Variants in PICALM observed in about 807,000 individuals in gnomAD.
PICALM encodes phosphatidylinositol binding clathrin assembly protein.
In PICALM, 40 loss-of-function variants were observed where a neutral mutation model predicts 80.5. The ratio of observed to expected loss-of-function variants is 0.50; its 90% CI spans 0.39 to 0.65. The LOEUF is 0.65. Among genes scored for constraint, PICALM ranks in the 30% least tolerant of loss-of-function variants. The pLI, the probability that PICALM is intolerant of heterozygous loss-of-function variation, is 0.00. For missense variants in PICALM, 676 were observed against 778.9 expected (o/e 0.87, Z 1.57); for synonymous variants, 288 against 260.3 (o/e 1.11, Z -1.02).
At chr11:86,065,289 T>C (rs1015757152) in intron 1 of PICALM, among the ~76,000 whole-genome samples, 3 of 151,740 alleles carry the variant, frequency 2.0e-5, no homozygotes, top group Admixed American at 6.6e-5. Flanking sequence ...CTACTAAAAA[T>C]ACAAAAATTA....
At chr11:85,998,822 G>A (rs2095057503) in intron 11 of PICALM, among the ~76,000 whole-genome samples, 1 of 152,094 alleles carries the variant, frequency 6.6e-6, no homozygotes, top group African/African-American at 2.4e-5. Flanking sequence ...AACAGACCAA[G>A]AGATGTTGCC....
chr11:86,019,637 C>G (rs1180140622), intron 4 of PICALM, among the ~76,000 whole-genome samples: 1 of 152,130 alleles, frequency 6.6e-6, no homozygotes, highest in Admixed American at 6.5e-5. Flanking sequence ...AAAAGTTCTC[C>G]ACCATAATCT....
At chr11:86,065,916 G>T (rs1469251011) in intron 1 of PICALM, among the ~76,000 whole-genome samples, 2 of 151,824 alleles carry the variant, frequency 1.3e-5, no homozygotes, top group Non-Finnish European at 2.9e-5. Context: ...ACACTCTAAG[G>T]GCTTATACGA....
chr11:86,035,438 C>T (rs181399045), intron 1 of PICALM, among the ~76,000 whole-genome samples: 1 of 152,084 alleles, frequency 6.6e-6, no homozygotes, highest in East Asian at 1.9e-4. Context: ...CACTGATACC[C>T]GAATAAGATT....
At chr11:86,051,072 G>C (rs1386353319) in intron 1 of PICALM, among the ~76,000 whole-genome samples, 1 of 152,142 alleles carries the variant, frequency 6.6e-6, no homozygotes, top group African/African-American at 2.4e-5. Context: ...ATGATAATAA[G>C]ATATGCAAAT....
intron 9 of PICALM, among the ~76,000 whole-genome samples, chr11:86,003,086 A>G (rs1393208998): frequency 2.6e-5 from 4 of 152,200 alleles, no homozygotes; most frequent in Non-Finnish European, 5.9e-5. Flanking sequence ...CTTTAGGAGA[A>G]ATTTTGACAT....
At chr11:85,962,137 T>C (rs965790890) in intron 19 of PICALM, among the ~76,000 whole-genome samples, 2 of 152,162 alleles carry the variant, frequency 1.3e-5, no homozygotes, top group African/African-American at 4.8e-5. Flanking sequence ...ATGCCTGGGC[T>C]TGAGGTTTCA....
chr11:86,059,656 G>C (rs1336375955), intron 1 of PICALM, among the ~76,000 whole-genome samples: 1 of 152,144 alleles, frequency 6.6e-6, no homozygotes, highest in African/African-American at 2.4e-5. Context: ...TACCTACTCA[G>C]GAGGCTGAGG....
At chr11:86,009,347 T>C (rs1184121951) in intron 7 of PICALM, among the ~76,000 whole-genome samples, 1 of 142,572 alleles carries the variant, frequency 7.0e-6, no homozygotes, top group Non-Finnish European at 1.5e-5. Flanking sequence ...GACAGTCTAT[T>C]GCACCTAAGA....
rs1417800063 is a variant in PICALM, at chr11:86,026,369, TG to T, written c.274-3del. 6.3e-6 allele frequency: 10 copies of T among 1,582,092 alleles called. No homozygotes were observed. Among genetic ancestry groups the T allele is most frequent in the Non-Finnish European group, 8.6e-6 (10 of 1,158,148 alleles). ...TGAAGCCAAATACTGAATAAAACGC[TG>T]GAAAAAAAAAATTACATCATATTAA... On this transcript the variant is annotated splice_region_variant and splice_polypyrimidine_tract_variant and intron_variant, in intron 2 of 19. Transcript: ENST00000393346.
In PICALM at chr11:85,977,061, A is replaced by G. The variant is rs2094304973; in HGVS notation, c.1780-379T>C. ...GTCTACCCAGAAAAAGTATTATTGA[A>G]TGTTTTCTTACTTAGGTACCTGATT... On this transcript the variant is annotated intron_variant, in intron 17 of 19. Transcript: ENST00000393346. The G allele has an allele frequency of 1.3e-5, 2 of 153,956 alleles. 1 individual carries two copies. Among genetic ancestry groups the G allele is most frequent in the South Asian group, 4.1e-4 (2 of 4,898 alleles). The allele number at this position is 153,956 out of a possible 1,614,324, so 9.5% of individuals were successfully genotyped here.
intron 5 of PICALM, among the ~76,000 whole-genome samples, chr11:86,013,438 C>T (rs902489206): frequency 2.6e-5 from 4 of 152,072 alleles, no homozygotes; most frequent in Admixed American, 2.0e-4. Context: ...TGAACCACCA[C>T]ATTCTTTTTC....
intron 14 of PICALM, 62 bp from the exon 15 acceptor site, chr11:85,982,065 A>G (rs1016549123): frequency 6.8e-7 from 1 of 1,480,508 alleles, no homozygotes; most frequent in Admixed American, 1.7e-5. Context: ...ATGGTTTTCT[A>G]AAGGAGGTCT....
intron 1 of PICALM, among the ~76,000 whole-genome samples, chr11:86,035,142 A>G (rs1407079753): frequency 6.6e-6 from 1 of 151,898 alleles, no homozygotes; most frequent in African/African-American, 2.4e-5. Flanking sequence ...TTTTTTAACA[A>G]AGTACAAAAA....
intron 1 of PICALM, among the ~76,000 whole-genome samples, chr11:86,038,374 A>T (rs1052598490): frequency 1.3e-5 from 2 of 152,090 alleles, no homozygotes; most frequent in Non-Finnish European, 2.9e-5. Context: ...ATGGTAAAGT[A>T]CCTGAGAATT....
chr11:86,068,578 A>C (rs529293406), intron 1 of PICALM, 73 bp downstream of exon 1: 1 of 1,428,824 alleles, frequency 7.0e-7, no homozygotes. Context: ...GGTGAAAGAC[A>C]AGAGAGAGAG....
At chr11:86,035,780 T>TAA (rs11340669) in intron 1 of PICALM, among the ~76,000 whole-genome samples, 2 of 149,240 alleles carry the variant, frequency 1.3e-5, no homozygotes, top group East Asian at 2.0e-4. Flanking sequence ...CTGTCTCTAC[T>TAA]AAAAAAAAAA....
rs111601411 is a variant in PICALM at position 86,035,167 on chromosome 11, A to T, written c.131-3556T>A. On this transcript the variant is annotated intron_variant, in intron 1 of 19. Coordinates refer to ENST00000393346, the MANE Select transcript of PICALM (RefSeq NM_007166.4). ...AAGTACAAAAAATTTAGAACTAAGCAGTTACCAAATGGTTTCATTAATCTT... is the reference window on the plus strand; with the variant it reads ...AAGTACAAAAAATTTAGAACTAAGCTGTTACCAAATGGTTTCATTAATCTT... 8.9e-4 allele frequency among the ~76,000 whole-genome samples: 135 copies of T among 152,122 alleles called. 1 individual carries two copies. The highest frequency in any genetic ancestry group is 3.0e-3 in the African/African-American group (123 of 41,476).
At chr11:86,061,793 A>T (rs929624380) in intron 1 of PICALM, among the ~76,000 whole-genome samples, 2 of 152,212 alleles carry the variant, frequency 1.3e-5, no homozygotes, top group African/African-American at 2.4e-5. Context: ...CACAAAAGAC[A>T]CGCACACAGA....
Sources: allele counts gnomAD v4.1 joint callset (sites outside exome capture counted in the v4.1 genomes callset), GRCh38; gene constraint gnomAD v4.1.1; transcripts MANE v1.5; gene names NCBI Gene and HGNC (gene_info 2026-07-23, HGNC 2026-07-21).